The following NR3C2 variants were observed in gnomAD, a reference collection of about 807,000 sequenced individuals.
NR3C2 encodes the protein mineralocorticoid receptor.
Under a neutral mutation model 86.4 loss-of-function variants are expected in NR3C2, and 15 were observed. That is an observed-to-expected ratio of 0.17 (90% CI 0.12 to 0.27). NR3C2 has a LOEUF of 0.27. NR3C2 is among the 10% of genes least tolerant of loss of function. NR3C2 has a pLI of 1.00. For synonymous variants in NR3C2, 458 were observed against 450.5 expected (o/e 1.02, Z -0.21); for missense variants, 960 against 1,195.6 (o/e 0.80, Z 2.91).
intron 3 of NR3C2, among the ~76,000 whole-genome samples, chr4:148,221,330 G>A (rs1030572249): frequency 6.6e-6 from 1 of 152,154 alleles, no homozygotes; most frequent in Non-Finnish European, 1.5e-5. Flanking sequence ...TAAAGTGGAC[G>A]TACAACTCAT....
At chr4:148,250,713 G>A (rs747417351) in intron 3 of NR3C2, among the ~76,000 whole-genome samples, 28 of 152,122 alleles carry the variant, frequency 1.8e-4, no homozygotes, top group Non-Finnish European at 3.8e-4. Flanking sequence ...TGTTTATCCA[G>A]ACTGCTTCAT....
intron 4 of NR3C2, among the ~76,000 whole-genome samples, chr4:148,171,846 G>T (rs1313439426): frequency 6.6e-6 from 1 of 152,130 alleles, no homozygotes; most frequent in African/African-American, 2.4e-5. Context: ...TACTCAAGTG[G>T]CCACCCAGAC....
chr4:148,151,355 A>G (rs888785055), intron 6 of NR3C2, among the ~76,000 whole-genome samples: 5 of 152,198 alleles, frequency 3.3e-5, no homozygotes, highest in African/African-American at 1.2e-4. Context: ...AATAATATCA[A>G]TTGATTATTG....
chr4:148,406,749 T>C (rs887671161), intron 2 of NR3C2, among the ~76,000 whole-genome samples: 4 of 152,112 alleles, frequency 2.6e-5, no homozygotes, highest in African/African-American at 7.2e-5. Context: ...AATACTAAAC[T>C]CTAAGAATGT....
intron 2 of NR3C2, among the ~76,000 whole-genome samples, chr4:148,335,183 C>T (rs918340742): frequency 2.0e-5 from 3 of 152,106 alleles, no homozygotes; most frequent in African/African-American, 7.2e-5. Context: ...GAAGATAATT[C>T]AGCCCATAAC....
At chr4:148,373,535 C>T (rs962382962) in intron 2 of NR3C2, among the ~76,000 whole-genome samples, 1 of 144,218 alleles carries the variant, frequency 6.9e-6, no homozygotes, top group Non-Finnish European at 1.5e-5. Context: ...AGTACAGTAG[C>T]GCAATCTTGG....
In NR3C2 at chr4:148,276,421, A is replaced by C. The variant is rs370457485; in HGVS notation, c.1758-16304T>G. ...TGTAGACTCAGAATACACTAATGAAAGACCAAAGGTAGGAGAGTTTATCCT... is the reference window on the plus strand; with the variant it reads ...TGTAGACTCAGAATACACTAATGAACGACCAAAGGTAGGAGAGTTTATCCT... On this transcript the variant is annotated intron_variant, in intron 2 of 8. Transcript: ENST00000358102. Among the ~76,000 whole-genome samples the C allele has an allele frequency of 1.2e-4, 19 of 152,308 alleles. No individual in the cohort carries two copies. The East Asian group carries it at 1.5e-3, about 12-fold the overall frequency.
At chr4:148,322,539 T>G in intron 2 of NR3C2, among the ~76,000 whole-genome samples, 1 of 87,272 alleles carries the variant, frequency 1.1e-5, no homozygotes. Flanking sequence ...ATTTGGTCTT[T>G]TCACATAGTC....
At chr4:148,322,551 C>A (rs1743670809) in intron 2 of NR3C2, among the ~76,000 whole-genome samples, 1 of 83,156 alleles carries the variant, frequency 1.2e-5, no homozygotes, top group South Asian at 5.5e-4. Flanking sequence ...CACATAGTCC[C>A]ATATTTCTTG....
chr4:148,114,213 G>A lies in NR3C2; in HGVS notation c.2690C>T (p.Thr897Ile). Reference protein sequence around the residue: ...KSQAAFEEMRTNYIKELRKMV... With the variant: ...KSQAAFEEMRINYIKELRKMV... Reference sequence around the variant, plus strand: ...CTTCCTCAGTTCTTTGATGTAATTTGTCCTCATTTCTTCAAATGCAGCCTG... The same window carrying A: ...CTTCCTCAGTTCTTTGATGTAATTTATCCTCATTTCTTCAAATGCAGCCTG... Residue 897 changes from threonine (T) to isoleucine (I), a missense_variant, in exon 8 of 9, where the codon ACA (threonine) becomes ATA (isoleucine). By Grantham distance (89) the Thr-to-Ile change is moderately conservative. Transcript: ENST00000358102. 1.2e-6 allele frequency: 2 copies of A among 1,613,944 alleles called. No individual in the cohort carries two copies. The highest frequency in any genetic ancestry group is 8.5e-7 in the Non-Finnish European group (1 of 1,179,942).
chr4:148,225,734 A>AT (rs925138372), intron 3 of NR3C2, among the ~76,000 whole-genome samples: 2 of 152,122 alleles, frequency 1.3e-5, no homozygotes, highest in Admixed American at 6.6e-5. Context: ...CAAGAAAAAC[A>AT]TTTTTTATTA....
chr4:148,362,109 G>A (rs1304402969), intron 2 of NR3C2, among the ~76,000 whole-genome samples: 1 of 152,300 alleles, frequency 6.6e-6, no homozygotes, highest in East Asian at 1.9e-4. Flanking sequence ...ATAGTGCTGG[G>A]ATTATGGGCG....
chr4:148,161,776 T>C (rs1734673375), intron 4 of NR3C2, among the ~76,000 whole-genome samples: 1 of 152,230 alleles, frequency 6.6e-6, no homozygotes, highest in Non-Finnish European at 1.5e-5. Flanking sequence ...AATGTAATGC[T>C]GACTAACAAG....
At position 148,435,265 on chromosome 4, in the gene NR3C2, T is replaced by C. The variant is rs764456570; in HGVS notation, c.1596A>G (p.Thr532=). ...CTCTAGCCGATCGTGATAAAGATAT[T>C]GTACCTTGAGCACCAATCCTGTAGT... ...SFHYRIGAQG[T]ISLSRSARDQ... Residue 532 remains threonine, a synonymous_variant, in exon 2 of 9, where the codon ACA becomes ACG. Transcript: ENST00000358102. The C allele has an allele frequency of 4.3e-6, 7 of 1,614,186 alleles. No homozygotes were observed. The highest frequency in any genetic ancestry group is 1.6e-4 in the Middle Eastern group (1 of 6,062).
intron 4 of NR3C2, among the ~76,000 whole-genome samples, chr4:148,175,067 T>A (rs1247397944): frequency 6.6e-6 from 1 of 152,172 alleles, no homozygotes; most frequent in Non-Finnish European, 1.5e-5. Flanking sequence ...TACATTAACT[T>A]GAAACATCGT....
At chr4:148,208,854 AAAT>A (rs1210217277) in intron 3 of NR3C2, 1 of 152,246 alleles carries the variant, frequency 6.6e-6, no homozygotes, top group Non-Finnish European at 1.5e-5. Flanking sequence ...AATAATAATA[AAAT>A]AATACAATAG....
intron 4 of NR3C2, among the ~76,000 whole-genome samples, chr4:148,186,675 T>C (rs926073487): frequency 6.6e-6 from 1 of 152,016 alleles, no homozygotes; most frequent in African/African-American, 2.4e-5. Flanking sequence ...ATAAGTTCTT[T>C]AGTGGTGATT....
intron 3 of NR3C2, among the ~76,000 whole-genome samples, chr4:148,252,705 G>A: frequency 6.6e-6 from 1 of 152,150 alleles, no homozygotes; most frequent in Admixed American, 6.5e-5. Flanking sequence ...AGAAAGCTGA[G>A]TGCCAAATAA....
chr4:148,333,648 A>C (rs554096758), intron 2 of NR3C2, among the ~76,000 whole-genome samples: 1 of 149,798 alleles, frequency 6.7e-6, no homozygotes, highest in Admixed American at 6.7e-5. Context: ...GTTCTTCTAC[A>C]TGAGAGACAC....
Sources: gnomAD v4.1 joint callset for allele counts (sites outside exome capture counted in the v4.1 genomes callset) on GRCh38, gnomAD v4.1.1 for gene constraint, MANE v1.5 for transcripts, NCBI Gene and HGNC (gene_info 2026-07-23, HGNC 2026-07-21) for gene names.